Variants in FRMD4A observed in about 807,000 individuals in gnomAD.
FRMD4A encodes the protein FERM domain containing 4A, also known as FERM domain-containing protein 4A.
Under a neutral mutation model 129.1 loss-of-function variants are expected in FRMD4A, and 29 were observed. The observed-to-expected ratio is 0.22, with a 90% CI of 0.17 to 0.31. The LOEUF is 0.31. FRMD4A is among the 10% of genes least tolerant of loss of function. The probability of loss-of-function intolerance (pLI) is 1.00; values close to 1 mark genes in which losing one functional copy is unlikely to be tolerated. For synonymous variants in FRMD4A, 634 were observed against 571.6 expected (o/e 1.11, Z -1.56); for missense variants, 1,272 against 1,375.8 (o/e 0.92, Z 1.19).
In FRMD4A at chr10:13,713,368, A is replaced by G. The variant is rs1459389757; in HGVS notation, c.760-6255T>C. 5.3e-5 allele frequency among the ~76,000 whole-genome samples: 8 copies of G among 152,326 alleles called. No individual in the cohort carries two copies. The South Asian group carries it at 8.3e-4, about 16-fold the overall frequency. On this transcript the variant is annotated intron_variant, in intron 12 of 24. Coordinates refer to ENST00000357447, the MANE Select transcript of FRMD4A (RefSeq NM_018027.5). ...CACCATGAAGCTCTGACAATGAACG[A>G]GAACAAAGTTGTTTCAAGCTTCTTG...
At chr10:14,118,885 T>G (rs1838343606) in intron 2 of FRMD4A, among the ~76,000 whole-genome samples, 1 of 152,160 alleles carries the variant, frequency 6.6e-6, no homozygotes, top group South Asian at 2.1e-4. Context: ...ACTGACTATA[T>G]AACCCTGAAT....
chr10:13,890,613 AC>A, intron 2 of FRMD4A: 1 of 985,310 alleles, frequency 1.0e-6, no homozygotes, highest in African/African-American at 1.7e-5. Context: ...TTTCAGAGCA[AC>A]CCCTTTCATC....
chr10:14,131,395 T>TGCCC (rs1554767018), intron 2 of FRMD4A, among the ~76,000 whole-genome samples: 3 of 125,708 alleles, frequency 2.4e-5, no homozygotes, highest in African/African-American at 9.4e-5. Flanking sequence ...CAACTCACTG[T>TGCCC]GCCCCCCCCG....
chr10:13,834,027 G>GT (rs2093832782), intron 3 of FRMD4A, among the ~76,000 whole-genome samples: 2 of 152,136 alleles, frequency 1.3e-5, no homozygotes, highest in Non-Finnish European at 2.9e-5. Context: ...GGAGGCCACG[G>GT]GGGAGGTGGG....
At chr10:13,935,446 CAAAAAAAAAAAAAAAAAAAA>C (rs71388135) in intron 2 of FRMD4A, among the ~76,000 whole-genome samples, 1 of 36,404 alleles carries the variant, frequency 2.7e-5, no homozygotes, top group African/African-American at 1.2e-4. Flanking sequence ...AACTCCATCT[CAAAAAAAAAAAAAAAAAAAA>C]AAAAAAAAAG....
chr10:14,249,434 T>A (rs572512411), intron 2 of FRMD4A, among the ~76,000 whole-genome samples: 1 of 152,132 alleles, frequency 6.6e-6, no homozygotes, highest in African/African-American at 2.4e-5. Flanking sequence ...GAAATGAAGC[T>A]GGGGCCAGAG....
rs11258695 is a variant in FRMD4A at position 13,884,132 on chromosome 10, G to T, written c.46-25220C>A. 1.3e-3 allele frequency among the ~76,000 whole-genome samples: 136 copies of T among 102,566 alleles called. 3 individuals are homozygous for T. The highest frequency in any genetic ancestry group is 2.0e-3 in the African/African-American group (50 of 25,114). 67.3% of individuals were successfully genotyped at this position (102,566 alleles called of 152,430 possible). On this transcript the variant is annotated intron_variant, in intron 2 of 24. Coordinates refer to ENST00000357447, the MANE Select transcript of FRMD4A (RefSeq NM_018027.5). ...CACACACACACACACTCACACACACGCTCACACACACTCTCACACACTCTC... is the reference window on the plus strand; with the variant it reads ...CACACACACACACACTCACACACACTCTCACACACACTCTCACACACTCTC...
At chr10:14,011,032 A>C (rs186558707) in intron 2 of FRMD4A, among the ~76,000 whole-genome samples, 12 of 152,238 alleles carry the variant, frequency 7.9e-5, no homozygotes, top group Non-Finnish European at 1.8e-4. Flanking sequence ...TGGTGCTCAG[A>C]GGGGCTTAGT....
At chr10:13,862,404 A>C (rs2094306920) in intron 2 of FRMD4A, among the ~76,000 whole-genome samples, 1 of 152,212 alleles carries the variant, frequency 6.6e-6, no homozygotes, top group East Asian at 1.9e-4. Context: ...TCACACTTAA[A>C]GGTCTTCCCT....
At chr10:13,835,054 C>T (rs1405495614) in intron 3 of FRMD4A, among the ~76,000 whole-genome samples, 1 of 152,164 alleles carries the variant, frequency 6.6e-6, no homozygotes, top group Non-Finnish European at 1.5e-5. Flanking sequence ...AGATGGAGGT[C>T]ATTAGGATGC....
chr10:14,031,958 G>C (rs1441445032), intron 2 of FRMD4A, among the ~76,000 whole-genome samples: 1 of 151,924 alleles, frequency 6.6e-6, no homozygotes, highest in African/African-American at 2.4e-5. Context: ...CAGCGGCCTT[G>C]GTTCTAAGAA....
intron 2 of FRMD4A, among the ~76,000 whole-genome samples, chr10:14,208,774 T>A (rs1466236715): frequency 6.6e-6 from 1 of 152,160 alleles, no homozygotes; most frequent in Non-Finnish European, 1.5e-5. Flanking sequence ...TCTGGCCTCT[T>A]CTCATGCACC....
chr10:14,205,221 A>C (rs10906627), intron 2 of FRMD4A, among the ~76,000 whole-genome samples: 1 of 151,988 alleles, frequency 6.6e-6, no homozygotes, highest in Non-Finnish European at 1.5e-5. Context: ...ATAAAACAAC[A>C]TTTAACACTT....
At chr10:14,119,458 T>G (rs891274379) in intron 2 of FRMD4A, among the ~76,000 whole-genome samples, 7 of 152,186 alleles carry the variant, frequency 4.6e-5, no homozygotes, top group Non-Finnish European at 1.5e-5. Flanking sequence ...TCCTAAGACG[T>G]TCATCTAGGA....
chr10:13,912,767 G>A (rs979528107), intron 2 of FRMD4A, among the ~76,000 whole-genome samples: 14 of 151,814 alleles, frequency 9.2e-5, no homozygotes, highest in Non-Finnish European at 1.8e-4. Context: ...CTGACTTTGT[G>A]ATCCGCCTGC....
intron 2 of FRMD4A, among the ~76,000 whole-genome samples, chr10:14,173,132 T>G (rs1713564915): frequency 6.6e-6 from 1 of 152,276 alleles, no homozygotes; most frequent in Non-Finnish European, 1.5e-5. Context: ...ACTTTAACTC[T>G]GCTGTGTGTT....
chr10:14,225,992 CAAGTA>C (rs1285736275), intron 2 of FRMD4A, among the ~76,000 whole-genome samples: 2 of 152,146 alleles, frequency 1.3e-5, no homozygotes, highest in Non-Finnish European at 1.5e-5. Flanking sequence ...CTAGTTCCTA[CAAGTA>C]AATATTCTAA....
At chr10:13,728,517 C>T (rs1299715920) in intron 12 of FRMD4A, among the ~76,000 whole-genome samples, 1 of 148,804 alleles carries the variant, frequency 6.7e-6, no homozygotes. Context: ...ATTTCATATT[C>T]ACCACCCTGT....
chr10:14,237,862 G>A (rs988623069), intron 2 of FRMD4A, among the ~76,000 whole-genome samples: 1 of 152,198 alleles, frequency 6.6e-6, no homozygotes, highest in African/African-American at 2.4e-5. Context: ...CTGCTGGCGA[G>A]GGTCCTCCTC....
Sources: gnomAD v4.1 joint callset for allele counts (sites outside exome capture counted in the v4.1 genomes callset) on GRCh38, gnomAD v4.1.1 for gene constraint, MANE v1.5 for transcripts, NCBI Gene and HGNC (gene_info 2026-07-23, HGNC 2026-07-21) for gene names.